TLE4: variants seen among roughly 807,000 people sequenced by gnomAD.
TLE4 encodes TLE family member 4, transcriptional corepressor.
A neutral mutation model predicts 92.8 loss-of-function variants in TLE4; 8 were observed. The observed-to-expected ratio is 0.09, with a 90% CI of 0.05 to 0.16. The LOEUF is 0.16. Ranked by LOEUF, TLE4 falls within the 10% of genes least tolerant of loss-of-function variation. TLE4 has a pLI of 1.00. For synonymous variants in TLE4, 371 were observed against 374.1 expected (o/e 0.99, Z 0.10); for missense variants, 675 against 997.6 (o/e 0.68, Z 4.36).
chr9:79,632,531 G>A (rs2054577230), intron 6 of TLE4, among the ~76,000 whole-genome samples: 1 of 152,168 alleles, frequency 6.6e-6, no homozygotes, highest in African/African-American at 2.4e-5. Context: ...GGGCTTTACA[G>A]TGTAGGTAGG....
intron 10 of TLE4, among the ~76,000 whole-genome samples, chr9:79,706,496 G>A (rs542072091): frequency 1.3e-5 from 2 of 151,474 alleles, no homozygotes; most frequent in African/African-American, 2.4e-5. Context: ...TCTCATTGAC[G>A]TGCAATTTGC....
At chr9:79,651,179 C>T (rs2058917437) in intron 6 of TLE4, among the ~76,000 whole-genome samples, 1 of 152,002 alleles carries the variant, frequency 6.6e-6, no homozygotes, top group African/African-American at 2.4e-5. Flanking sequence ...TCTTTAAAGG[C>T]AAAAACTAAA....
chr9:79,634,324 A>G (rs1047957161), intron 6 of TLE4, among the ~76,000 whole-genome samples: 42 of 152,232 alleles, frequency 2.8e-4, no homozygotes, highest in African/African-American at 9.4e-4. Flanking sequence ...TTTAATTTCA[A>G]TAAAGCTAGT....
chr9:79,655,232 G>T (rs1291909261), intron 8 of TLE4, among the ~76,000 whole-genome samples: 1 of 152,170 alleles, frequency 6.6e-6, no homozygotes, highest in Non-Finnish European at 1.5e-5. Flanking sequence ...TTACTTATTG[G>T]TTAGAAGGAA....
intron 14 of TLE4, among the ~76,000 whole-genome samples, chr9:79,714,655 A>C (rs1462608363): frequency 1.3e-5 from 2 of 152,224 alleles, no homozygotes; most frequent in Non-Finnish European, 2.9e-5. Context: ...TTTCCATTAG[A>C]ATGTGACCTG....
At chr9:79,601,706 C>G (rs1261663483) in intron 4 of TLE4, among the ~76,000 whole-genome samples, 1 of 152,122 alleles carries the variant, frequency 6.6e-6, no homozygotes, top group African/African-American at 2.4e-5. Flanking sequence ...CCTCAGGCTT[C>G]CCCATTCTCT....
At chr9:79,693,150 T>G (rs1297271214) in intron 8 of TLE4, among the ~76,000 whole-genome samples, 2 of 152,178 alleles carry the variant, frequency 1.3e-5, no homozygotes, top group Non-Finnish European at 2.9e-5. Flanking sequence ...CAACACAGAA[T>G]AGCTATTCAA....
chr9:79,627,535 G>T (rs2052937586), intron 6 of TLE4, 87 bp downstream of exon 6: 1 of 1,374,844 alleles, frequency 7.3e-7, no homozygotes, highest in African/African-American at 1.4e-5. Flanking sequence ...TCCGCCAAAG[G>T]GGCAAAAAGC....
Position 79,723,040 on chromosome 9 carries a change from C to T in TLE4, c.2214+5C>T, listed in dbSNP as rs762663482. On this transcript the variant is annotated splice_donor_5th_base_variant and intron_variant, in intron 19 of 19. Transcript: ENST00000376552. Reference sequence around the variant, plus strand: ...TATGGGGCCAGTATATTCCAGGTAACATGGAACTTGTTAACTACCACTTAT... The same window carrying T: ...TATGGGGCCAGTATATTCCAGGTAATATGGAACTTGTTAACTACCACTTAT... The T allele has an allele frequency of 6.2e-7, 1 of 1,613,412 alleles. No individual in the cohort carries two copies. Among genetic ancestry groups the T allele is most frequent in the Non-Finnish European group, 8.5e-7 (1 of 1,179,478 alleles).
In TLE4 at chr9:79,652,185, T is replaced by G. The variant is rs572329866; in HGVS notation, c.391-408T>G. 2.7e-4 allele frequency among the ~76,000 whole-genome samples: 41 copies of G among 152,152 alleles called. 1 individual carries two copies. The highest frequency in any genetic ancestry group is 9.2e-4 in the African/African-American group (38 of 41,520). On this transcript the variant is annotated intron_variant, in intron 6 of 19. Transcript: ENST00000376552. ...TAAATCTTACGTAGGTGTTGGCTTTTTTCTTTTTCTTTTTTTTTTGAGATG... is the reference window on the plus strand; with the variant it reads ...TAAATCTTACGTAGGTGTTGGCTTTGTTCTTTTTCTTTTTTTTTTGAGATG...
chr9:79,608,100 C>A (rs536052399), intron 4 of TLE4, among the ~76,000 whole-genome samples: 1 of 152,022 alleles, frequency 6.6e-6, no homozygotes, highest in African/African-American at 2.4e-5. Flanking sequence ...ACTTCCAACA[C>A]TATGTTGAAT....
chr9:79,708,922 C>A, intron 13 of TLE4, 136 bp downstream of exon 13: 4 of 1,087,142 alleles, frequency 3.7e-6, no homozygotes, highest in Non-Finnish European at 3.8e-6. Context: ...GCCTCTGCCT[C>A]CTGGGCTTAA....
intron 1 of TLE4, 152 bp from the exon 2 acceptor site, chr9:79,573,537 G>T (rs2036590788): frequency 3.7e-6 from 3 of 814,370 alleles, no homozygotes; most frequent in South Asian, 6.2e-5. Flanking sequence ...GCTGTTGGGC[G>T]CGAGGAGGGT....
At chr9:79,586,796 T>C (rs1022938719) in intron 4 of TLE4, among the ~76,000 whole-genome samples, 5 of 152,224 alleles carry the variant, frequency 3.3e-5, no homozygotes, top group Non-Finnish European at 5.9e-5. Context: ...GTGGTTTTGG[T>C]TTTAAAAAAT....
At chr9:79,682,558 G>A (rs754979299) in intron 8 of TLE4, among the ~76,000 whole-genome samples, 19 of 152,190 alleles carry the variant, frequency 1.2e-4, no homozygotes, top group Middle Eastern at 3.4e-3. Context: ...TGTAGTAGTC[G>A]TTTGTCATAA....
chr9:79,699,955 A>G (rs2069329349), intron 8 of TLE4, among the ~76,000 whole-genome samples: 1 of 152,194 alleles, frequency 6.6e-6, no homozygotes, highest in Non-Finnish European at 1.5e-5. Context: ...GTCCTACACA[A>G]ATGTCTAGAA....
chr9:79,573,863 C>T (rs931616373), intron 2 of TLE4, 77 bp downstream of exon 2: 12 of 1,080,310 alleles, frequency 1.1e-5, no homozygotes, highest in African/African-American at 1.6e-5. Context: ...AAACACTTAC[C>T]CTCCTCCTTT....
At chr9:79,687,166 C>T (rs1271726750) in intron 8 of TLE4, among the ~76,000 whole-genome samples, 1 of 152,194 alleles carries the variant, frequency 6.6e-6, no homozygotes, top group Non-Finnish European at 1.5e-5. Context: ...TTCTTCTCCC[C>T]CGAATCGTAA....
In TLE4 at chr9:79,708,373, A is replaced by G; in HGVS notation, c.1069+123A>G. On this transcript the variant is annotated intron_variant, in intron 12 of 19. Transcript: ENST00000376552. ...CATTGAATGGCTGTTAGACAAAGTT[A>G]CTTAACCTGAACCGAGCACCTGGGA... The G allele has an allele frequency of 4.7e-6, 6 of 1,272,314 alleles. No homozygotes were observed. In the South Asian group the frequency reaches 8.6e-5, roughly 18 times the overall value. 78.8% of individuals were successfully genotyped at this position (1,272,314 alleles called of 1,614,324 possible). A position where few individuals can be genotyped will look rare whatever the true frequency, so the allele number is the denominator to read the frequency against.
Sources: gnomAD v4.1 joint callset for allele counts (sites outside exome capture counted in the v4.1 genomes callset) on GRCh38, gnomAD v4.1.1 for gene constraint, MANE v1.5 for transcripts, NCBI Gene and HGNC (gene_info 2026-07-23, HGNC 2026-07-21) for gene names.